The following VEGFC variants were observed in gnomAD, a reference collection of about 807,000 sequenced individuals.
VEGFC encodes the protein FLT4 ligand DHM.
A neutral mutation model predicts 46.1 loss-of-function variants in VEGFC; 12 were observed. The observed-to-expected ratio is 0.26, with a 90% confidence interval of 0.17 to 0.42. The LOEUF (loss-of-function observed/expected upper bound fraction) is 0.42. Among genes scored for constraint, VEGFC ranks in the 10% least tolerant of loss-of-function variants. The pLI is 1.00. For synonymous variants in VEGFC, 232 were observed against 195.5 expected (o/e 1.19, Z -1.56); for missense variants, 488 against 529.4 (o/e 0.92, Z 0.77).
chr4:176,751,961 T>C (rs1735349096), intron 1 of VEGFC, among the ~76,000 whole-genome samples: 2 of 151,720 alleles, frequency 1.3e-5, no homozygotes, highest in African/African-American at 2.4e-5. Flanking sequence ...ATTTGGAATA[T>C]GTCATAAAGA....
At chr4:176,732,701 T>A (rs1453308520) in intron 1 of VEGFC, among the ~76,000 whole-genome samples, 1 of 150,722 alleles carries the variant, frequency 6.6e-6, no homozygotes, top group Non-Finnish European at 1.5e-5. Context: ...GAAAACACAT[T>A]CATTGAAAAA....
At chr4:176,725,735 A>G (rs2333509) in intron 3 of VEGFC, among the ~76,000 whole-genome samples, 11,527 of 152,196 alleles carry the variant, frequency 0.076, 869 homozygotes, top group African/African-American at 0.17. Flanking sequence ...CAATTCCTAA[A>G]TCATCCATAT....
At chr4:176,759,558 G>A (rs186319612) in intron 1 of VEGFC, among the ~76,000 whole-genome samples, 2 of 152,034 alleles carry the variant, frequency 1.3e-5, no homozygotes, top group African/African-American at 4.8e-5. Flanking sequence ...TATACTCATG[G>A]TGACTATGGT....
intron 1 of VEGFC, among the ~76,000 whole-genome samples, chr4:176,752,964 A>C (rs1252879693): frequency 6.6e-6 from 1 of 152,044 alleles, no homozygotes; most frequent in Non-Finnish European, 1.5e-5. Context: ...AATTGTTAGA[A>C]TTTATTGATG....
At chr4:176,780,671 G>A (rs546493175) in intron 1 of VEGFC, among the ~76,000 whole-genome samples, 1 of 152,064 alleles carries the variant, frequency 6.6e-6, no homozygotes, top group Non-Finnish European at 1.5e-5. Context: ...TCAACATCAA[G>A]GATACATTTA....
At chr4:176,693,291 T>C (rs934141625) in intron 4 of VEGFC, among the ~76,000 whole-genome samples, 4 of 137,434 alleles carry the variant, frequency 2.9e-5, no homozygotes, top group Non-Finnish European at 6.0e-5. Flanking sequence ...AAGGAGCTGA[T>C]GGAGCTGAAA....
chr4:176,768,176 C>G (rs11932350), intron 1 of VEGFC, among the ~76,000 whole-genome samples: 125,502 of 152,018 alleles, frequency 0.83, 53,375 homozygotes, highest in East Asian at 1. Context: ...TGTTAGCCAT[C>G]TGAGTGGAAA....
chr4:176,703,595 T>G (rs532114548), intron 4 of VEGFC, among the ~76,000 whole-genome samples: 7 of 152,218 alleles, frequency 4.6e-5, no homozygotes, highest in Admixed American at 6.5e-5. Context: ...AATAATATTT[T>G]ATTATATATT....
chr4:176,756,095 T>C (rs946176239), intron 1 of VEGFC, among the ~76,000 whole-genome samples: 2 of 152,150 alleles, frequency 1.3e-5, no homozygotes, highest in East Asian at 3.9e-4. Context: ...ACTCTGCCAC[T>C]GAAATAACTG....
chr4:176,705,461 G>A (rs1379757102), intron 4 of VEGFC, among the ~76,000 whole-genome samples: 1 of 152,160 alleles, frequency 6.6e-6, no homozygotes, highest in Non-Finnish European at 1.5e-5. Flanking sequence ...ATTGAGACTT[G>A]AAAGTTTTTC....
At chr4:176,741,097 A>G (rs1205474111) in intron 1 of VEGFC, among the ~76,000 whole-genome samples, 2 of 151,938 alleles carry the variant, frequency 1.3e-5, no homozygotes, top group Non-Finnish European at 2.9e-5. Flanking sequence ...TTGTTGCCAC[A>G]TGGAAGAGTC....
intron 1 of VEGFC, among the ~76,000 whole-genome samples, chr4:176,753,427 C>A (rs1214978261): frequency 6.6e-6 from 1 of 152,042 alleles, no homozygotes; most frequent in Non-Finnish European, 1.5e-5. Context: ...CTCTTTTGGT[C>A]ACTGGCAGCT....
chr4:176,778,338 A>G (rs555158636), intron 1 of VEGFC, among the ~76,000 whole-genome samples: 28 of 152,188 alleles, frequency 1.8e-4, no homozygotes, highest in Non-Finnish European at 3.8e-4. Flanking sequence ...ATTTGCTCAC[A>G]ATTATAATTG....
intron 4 of VEGFC, among the ~76,000 whole-genome samples, chr4:176,697,397 C>G (rs1483934873): frequency 6.6e-6 from 1 of 152,200 alleles, no homozygotes; most frequent in Non-Finnish European, 1.5e-5. Flanking sequence ...CTCACCATCA[C>G]TGGTCATCAG....
chr4:176,689,986 T>G (rs1338788520), intron 4 of VEGFC, among the ~76,000 whole-genome samples: 1 of 152,214 alleles, frequency 6.6e-6, no homozygotes, highest in Non-Finnish European at 1.5e-5. Flanking sequence ...TGTTCCCATT[T>G]AGAACAGAAA....
intron 3 of VEGFC, among the ~76,000 whole-genome samples, chr4:176,722,733 C>T (rs896429336): frequency 2.6e-5 from 4 of 152,040 alleles, no homozygotes; most frequent in African/African-American, 9.7e-5. Flanking sequence ...TTCCTAAGCT[C>T]AAGAGATCTG....
chr4:176,706,514 C>G (rs1734536887), intron 4 of VEGFC, among the ~76,000 whole-genome samples: 1 of 149,108 alleles, frequency 6.7e-6, no homozygotes, highest in Non-Finnish European at 1.5e-5. Flanking sequence ...GTAATCACAG[C>G]TACTCGGGAG....
chr4:176,743,265 ACTAT>A (rs1395946960), intron 1 of VEGFC, among the ~76,000 whole-genome samples: 5 of 152,048 alleles, frequency 3.3e-5, no homozygotes, highest in Non-Finnish European at 5.9e-5. Flanking sequence ...TTGTTTCCAA[ACTAT>A]CTATTTTCAT....
chr4:176,733,825 T>C (rs1449412712), intron 1 of VEGFC, among the ~76,000 whole-genome samples: 1 of 151,822 alleles, frequency 6.6e-6, no homozygotes, highest in Non-Finnish European at 1.5e-5. Flanking sequence ...TAAAATTTCA[T>C]CTAAAAACTT....
Sources: gnomAD v4.1 joint callset for allele counts (sites outside exome capture counted in the v4.1 genomes callset) on GRCh38, gnomAD v4.1.1 for gene constraint, MANE v1.5 for transcripts, NCBI Gene and HGNC (gene_info 2026-07-23, HGNC 2026-07-21) for gene names.